Variants in MALT1 observed in about 807,000 individuals in gnomAD.
MALT1 encodes MALT1 paracaspase, also known as mucosa-associated lymphoid tissue lymphoma translocation protein 1.
A neutral mutation model predicts 85.5 loss-of-function variants in MALT1; 36 were observed. The observed-to-expected ratio is 0.42, with a 90% CI of 0.32 to 0.56. The LOEUF (loss-of-function observed/expected upper bound fraction) is 0.56. Ranked by LOEUF, MALT1 falls within the 20% of genes least tolerant of loss-of-function variation. MALT1 has a pLI of 0.10. For synonymous variants in MALT1, 359 were observed against 361.3 expected (o/e 0.99, Z 0.07); for missense variants, 716 against 981.6 (o/e 0.73, Z 3.62).
Position 58,750,263 on chromosome 18 carries a change from C to T in MALT1, c.*2421C>T, listed in dbSNP as rs1038690567. 6.1e-6 allele frequency: 1 copy of T among 165,084 alleles called. No individual in the cohort carries two copies. The highest frequency in any genetic ancestry group is 2.4e-5 in the African/African-American group (1 of 41,844). The allele number at this position is 165,084 out of a possible 1,614,324, so 10.2% of individuals were successfully genotyped here. ...CAACACGTTTAAAGAAATTAAGATC[C>T]AGATAAATGGAAAGACATCCATGTT... is the stretch of plus-strand genomic sequence containing the variant. On this transcript the variant is annotated 3_prime_UTR_variant, in exon 17 of 17. Coordinates refer to ENST00000649217, the MANE Select transcript of MALT1 (RefSeq NM_006785.4).
At chr18:58,705,780 A>C (rs1238687298) in intron 4 of MALT1, among the ~76,000 whole-genome samples, 2 of 152,026 alleles carry the variant, frequency 1.3e-5, no homozygotes, top group Admixed American at 6.6e-5. Flanking sequence ...TGCCGCAGTA[A>C]ACATACGTGT....
In MALT1 at chr18:58,709,110, C is replaced by T. The variant is rs977977155; in HGVS notation, c.650-268C>T. 2.0e-5 allele frequency among the ~76,000 whole-genome samples: 3 copies of T among 152,212 alleles called. No individual in the cohort carries two copies. In the South Asian group the frequency reaches 6.2e-4, roughly 32 times the overall value. ...ATATTCCTCTCCTTAATTGACAATT[C>T]ATACTAACACTTTTAAAGCTTTGAG... On this transcript the variant is annotated intron_variant, in intron 4 of 16. Coordinates refer to ENST00000649217, the MANE Select transcript of MALT1 (RefSeq NM_006785.4).
chr18:58,726,152 C>A (rs553695211), intron 10 of MALT1, among the ~76,000 whole-genome samples: 1 of 152,196 alleles, frequency 6.6e-6, no homozygotes, highest in African/African-American at 2.4e-5. Context: ...TAGGCTGAAG[C>A]TTTGCCCCAA....
At chr18:58,722,120 T>TTA (rs140149024) in intron 9 of MALT1, among the ~76,000 whole-genome samples, 7,979 of 150,664 alleles carry the variant, frequency 0.053, 335 homozygotes, top group East Asian at 0.21. Flanking sequence ...TTTTTTTTTT[T>TTA]ATTTTTTTCT....
chr18:58,682,640 G>A (rs982268900), intron 2 of MALT1, among the ~76,000 whole-genome samples: 6 of 152,208 alleles, frequency 3.9e-5, no homozygotes, highest in Non-Finnish European at 5.9e-5. Context: ...GTGCTGACTC[G>A]CCTGGCTTGA....
intron 9 of MALT1, 23 bp from the exon 10 acceptor site, chr18:58,723,025 C>G: frequency 6.4e-7 from 1 of 1,568,644 alleles, no homozygotes; most frequent in Non-Finnish European, 8.8e-7. Flanking sequence ...TCTTTAAACA[C>G]CCCCTTTCTT....
intron 2 of MALT1, among the ~76,000 whole-genome samples, chr18:58,687,959 T>C (rs1046343214): frequency 7.9e-5 from 12 of 152,248 alleles, no homozygotes; most frequent in Admixed American, 5.9e-4. Context: ...TCTTTGTAGA[T>C]GTTATCTGAA....
At chr18:58,698,072 T>G (rs868723969) in intron 3 of MALT1, among the ~76,000 whole-genome samples, 863 of 77,094 alleles carry the variant, frequency 0.011, 14 homozygotes, top group Non-Finnish European at 0.018. Flanking sequence ...GTTTTGTTTT[T>G]TTGTTTTTTT....
intron 9 of MALT1, among the ~76,000 whole-genome samples, chr18:58,721,639 A>C (rs1407963183): frequency 6.6e-6 from 1 of 152,214 alleles, no homozygotes; most frequent in Non-Finnish European, 1.5e-5. Context: ...CAGTCTTTTA[A>C]ATTGATGCTA....
intron 9 of MALT1, among the ~76,000 whole-genome samples, chr18:58,717,795 G>T (rs1370576624): frequency 6.6e-6 from 1 of 150,780 alleles, no homozygotes; most frequent in Non-Finnish European, 1.5e-5. Context: ...ATTCATAGTG[G>T]TAAGTTTTCA....
intron 9 of MALT1, among the ~76,000 whole-genome samples, chr18:58,719,556 AAC>A (rs955571453): frequency 6.6e-6 from 1 of 152,214 alleles, no homozygotes; most frequent in African/African-American, 2.4e-5. Flanking sequence ...TTAGACCCTG[AAC>A]TGGCAGAGGG....
intron 6 of MALT1, 38 bp downstream of exon 6, chr18:58,710,110 A>G (rs372236728): frequency 1.5e-6 from 2 of 1,312,682 alleles, no homozygotes; most frequent in Admixed American, 1.8e-5. Context: ...CAAGTGGACT[A>G]TAATATAAGC....
At chr18:58,678,423 CAG>C (rs748461999) in intron 1 of MALT1, among the ~76,000 whole-genome samples, 6 of 152,076 alleles carry the variant, frequency 3.9e-5, no homozygotes, top group East Asian at 1.9e-4. Flanking sequence ...ATGGACAAGA[CAG>C]AATTTTAGGT....
chr18:58,686,099 C>T, intron 2 of MALT1, among the ~76,000 whole-genome samples: 1 of 152,148 alleles, frequency 6.6e-6, no homozygotes, highest in East Asian at 1.9e-4. Flanking sequence ...GCGATCTTGG[C>T]TCACTGCAAC....
At position 58,683,542 on chromosome 18, in the gene MALT1, G is replaced by A. The variant is rs112109938; in HGVS notation, c.376+2206G>A. ...TTTTAAGTTTCCCATATGTGAAACC[G>A]GGCTTGACTGAAATTGAGTCATATA... On this transcript the variant is annotated intron_variant, in intron 2 of 16. Transcript: ENST00000649217. 7.2e-3 allele frequency among the ~76,000 whole-genome samples: 1,091 copies of A among 152,210 alleles called. 15 individuals are homozygous for A. The highest frequency in any genetic ancestry group is 0.025 in the African/African-American group (1,039 of 41,518).
chr18:58,725,554 G>T (rs1016707376), intron 10 of MALT1, among the ~76,000 whole-genome samples: 9 of 152,246 alleles, frequency 5.9e-5, no homozygotes, highest in Middle Eastern at 3.4e-3. Context: ...AGCTTTTAAG[G>T]TGCCTACGTG....
rs201632195 is a variant in MALT1 at position 58,700,609 on chromosome 18, C to T, written c.649+18C>T. The T allele has an allele frequency of 2.4e-4, 375 of 1,572,096 alleles. 5 individuals carry two copies. The African/African-American group carries it at 4.9e-3, about 20-fold the overall frequency. On this transcript the variant is annotated intron_variant, in intron 4 of 16. Transcript: ENST00000649217. ...CTTCCAGAGTAAGTAACGAAAGAAG[C>T]TGAATGTTGGGATGGGGATTCCCCA...
At position 58,709,406 on chromosome 18, in the gene MALT1, G is replaced by C; in HGVS notation, c.678G>C (p.Lys226Asn). 1 of 1,596,070 alleles carries C rather than the reference G, an allele frequency of 6.3e-7. No homozygotes were observed. The highest frequency in any genetic ancestry group is 1.1e-5 in the South Asian group (1 of 87,006). ...GTGTTGATGGCGTCTCTGAATCCAA[G>C]TTGCAAATCTGTGTTGAACCAACTT... ...QRSVDGVSES[K>N]LQICVEPTSQ... The change falls in exon 5 of 17, where the codon AAG becomes AAC. Residue 226 changes from lysine to asparagine, a missense_variant. By Grantham distance (94) the Lys-to-Asn change is moderately conservative (BLOSUM62 0). Coordinates refer to ENST00000649217, the MANE Select transcript of MALT1 (RefSeq NM_006785.4).
At chr18:58,737,607 TAC>T (rs1225645029) in intron 13 of MALT1, among the ~76,000 whole-genome samples, 5 of 152,262 alleles carry the variant, frequency 3.3e-5, no homozygotes, top group South Asian at 2.1e-4. Flanking sequence ...TGTGTGAGAC[TAC>T]AGAGTCTCTG....
Sources: allele counts gnomAD v4.1 joint callset (sites outside exome capture counted in the v4.1 genomes callset), GRCh38; gene constraint gnomAD v4.1.1; transcripts MANE v1.5; gene names NCBI Gene and HGNC (gene_info 2026-07-23, HGNC 2026-07-21).